The following AKT3 variants were observed in gnomAD, a reference collection of about 807,000 sequenced individuals.
AKT3 encodes RAC-gamma serine/threonine-protein kinase.
AKT3 carries 15 observed loss-of-function variants against 65.3 expected under a neutral mutation model. The ratio of observed to expected loss-of-function variants is 0.23; its 90% CI spans 0.15 to 0.35. AKT3 has a LOEUF of 0.35. Among genes scored for constraint, AKT3 ranks in the 10% least tolerant of loss-of-function variants. The pLI is 1.00. For synonymous variants in AKT3, 206 were observed against 183.8 expected (o/e 1.12, Z -0.98); for missense variants, 243 against 576.5 (o/e 0.42, Z 5.92).
At chr1:243,754,967 C>G (rs983560267) in intron 2 of AKT3, among the ~76,000 whole-genome samples, 11 of 152,132 alleles carry the variant, frequency 7.2e-5, no homozygotes, top group African/African-American at 2.7e-4. Flanking sequence ...AGTCAAGAAC[C>G]CTATTTTGAC....
chr1:243,621,119 A>G (rs984922823), intron 6 of AKT3, among the ~76,000 whole-genome samples: 5 of 152,112 alleles, frequency 3.3e-5, no homozygotes, highest in African/African-American at 1.2e-4. Flanking sequence ...CTTGCCTGGT[A>G]GGTATACTTA....
chr1:243,535,862 T>C (rs1187100757), intron 12 of AKT3, among the ~76,000 whole-genome samples: 1 of 152,224 alleles, frequency 6.6e-6, no homozygotes, highest in African/African-American at 2.4e-5. Flanking sequence ...CATTCCCTTT[T>C]TACCGCATCT....
At chr1:243,642,372 C>T (rs750532467) in intron 5 of AKT3, among the ~76,000 whole-genome samples, 10 of 152,230 alleles carry the variant, frequency 6.6e-5, no homozygotes, top group African/African-American at 1.4e-4. Context: ...TGCAGTGGCA[C>T]GATCTCGGCT....
chr1:243,831,108 A>G (rs1157480990), intron 2 of AKT3, among the ~76,000 whole-genome samples: 1 of 152,148 alleles, frequency 6.6e-6, no homozygotes, highest in Non-Finnish European at 1.5e-5. Context: ...TCTGTGACAT[A>G]CTGTTATCTG....
At chr1:243,495,123 A>G (rs1164064728), downstream of AKT3, among the ~76,000 whole-genome samples, 1 of 152,248 alleles carries the variant, frequency 6.6e-6, no homozygotes, top group African/African-American at 2.4e-5. Context: ...TGACAAACTC[A>G]GACCCCACGG....
At chr1:243,577,726 G>C (rs986929281) in intron 8 of AKT3, among the ~76,000 whole-genome samples, 11 of 152,058 alleles carry the variant, frequency 7.2e-5, no homozygotes, top group Admixed American at 7.2e-4. Context: ...CACAGCAAAA[G>C]AAACTACCAT....
downstream of AKT3, among the ~76,000 whole-genome samples, chr1:243,496,548 G>T (rs192370541): frequency 5.6e-3 from 840 of 148,918 alleles, 9 homozygotes; most frequent in African/African-American, 0.021. Flanking sequence ...GCGGACAGCA[G>T]GGGGGGAAGG....
chr1:243,532,312 T>A (rs562048595), intron 12 of AKT3, among the ~76,000 whole-genome samples: 21 of 152,338 alleles, frequency 1.4e-4, no homozygotes, highest in Non-Finnish European at 7.4e-5. Context: ...ATGACCTTTA[T>A]AATGTTGTGG....
intron 2 of AKT3, among the ~76,000 whole-genome samples, chr1:243,802,383 C>T (rs1692433658): frequency 6.6e-6 from 1 of 152,086 alleles, no homozygotes; most frequent in South Asian, 2.1e-4. Flanking sequence ...AGTAATATTC[C>T]TGGCTAGAAT....
chr1:243,766,191 C>T (rs138854494), intron 2 of AKT3, among the ~76,000 whole-genome samples: 6 of 152,256 alleles, frequency 3.9e-5, no homozygotes, highest in Admixed American at 2.0e-4. Context: ...TTTGTAATCA[C>T]TGTTAAATAA....
chr1:243,794,629 G>T (rs1691838844), intron 2 of AKT3, among the ~76,000 whole-genome samples: 1 of 152,150 alleles, frequency 6.6e-6, no homozygotes, highest in Admixed American at 6.5e-5. Flanking sequence ...TGTTGGCTCA[G>T]ACACAAGAAG....
At chr1:243,510,711 A>G (rs1669959612) in intron 13 of AKT3, among the ~76,000 whole-genome samples, 1 of 152,218 alleles carries the variant, frequency 6.6e-6, no homozygotes, top group Non-Finnish European at 1.5e-5. Context: ...GAGGTCAGAG[A>G]GGTGGACAGG....
At chr1:243,624,785 G>C in intron 6 of AKT3, 1 of 205,280 alleles carries the variant, frequency 4.9e-6, no homozygotes, top group Non-Finnish European at 1.1e-5. Context: ...ATGTGAATGA[G>C]TTTGTCTCTG....
At chr1:243,661,924 A>T (rs1682376582) in intron 4 of AKT3, among the ~76,000 whole-genome samples, 2 of 149,574 alleles carry the variant, frequency 1.3e-5, no homozygotes, top group South Asian at 4.3e-4. Flanking sequence ...TCAAAAGAAG[A>T]CATTTATGCA....
intron 11 of AKT3, among the ~76,000 whole-genome samples, 178 bp downstream of exon 11, chr1:243,552,551 T>C (rs983110721): frequency 1.3e-5 from 2 of 152,026 alleles, no homozygotes; most frequent in Non-Finnish European, 2.9e-5. Flanking sequence ...TAGGAAAGAG[T>C]TGAGAAAAAT....
chr1:243,813,433 T>C (rs927783714), intron 2 of AKT3, among the ~76,000 whole-genome samples: 9 of 150,988 alleles, frequency 6.0e-5, no homozygotes, highest in Non-Finnish European at 1.0e-4. Flanking sequence ...AAGTCACCAC[T>C]AAAGAGCTTA....
chr1:243,751,859 G>T (rs949398919), intron 2 of AKT3, among the ~76,000 whole-genome samples: 10 of 152,154 alleles, frequency 6.6e-5, no homozygotes, highest in Non-Finnish European at 1.2e-4. Flanking sequence ...AGGGAGGTTG[G>T]ATTATCCTCC....
At chr1:243,589,306 C>CAAAAAAA (rs758254217) in intron 8 of AKT3, among the ~76,000 whole-genome samples, 7 of 40,830 alleles carry the variant, frequency 1.7e-4, no homozygotes, top group Admixed American at 5.8e-4. Context: ...AACTCCATCT[C>CAAAAAAA]AAAAAAAAAA....
Position 243,503,270 on chromosome 1 carries a change from G to A in AKT3, c.*1979C>T, listed in dbSNP as rs774630157. Reference sequence around the variant, plus strand: ...CTTAGTAAAATGCCCTTTAACCCCCGTCAGTCCCAGTGGCCCACCCACTGC... The same window carrying A: ...CTTAGTAAAATGCCCTTTAACCCCCATCAGTCCCAGTGGCCCACCCACTGC... On this transcript the variant is annotated 3_prime_UTR_variant, in exon 14 of 14. Coordinates refer to ENST00000673466, the MANE Select transcript of AKT3 (RefSeq NM_005465.7). 2.6e-4 allele frequency: 61 copies of A among 233,494 alleles called. No homozygotes were observed. The highest frequency in any genetic ancestry group is 4.2e-4 in the Non-Finnish European group (50 of 118,014). 14.5% of individuals were successfully genotyped at this position (233,494 alleles called of 1,614,324 possible). A position where few individuals can be genotyped will look rare whatever the true frequency, so the allele number is the denominator to read the frequency against.
Sources: allele counts gnomAD v4.1 joint callset (sites outside exome capture counted in the v4.1 genomes callset), GRCh38; gene constraint gnomAD v4.1.1; transcripts MANE v1.5; gene names NCBI Gene and HGNC (gene_info 2026-07-23, HGNC 2026-07-21).